ATG7: variants seen among roughly 807,000 people sequenced by gnomAD.
ATG7 encodes the protein ubiquitin-like modifier-activating enzyme ATG7.
In ATG7, 70 loss-of-function variants were observed where a neutral mutation model predicts 82.4. The ratio of observed to expected loss-of-function variants is 0.85; its 90% CI spans 0.70 to 1.04. The LOEUF is 1.04. ATG7 is among the 50% of genes least tolerant of loss of function. ATG7 has a pLI of 0.00. For missense variants in ATG7, 792 were observed against 864.3 expected, an observed-to-expected ratio of 0.92 and a Z score of 1.05; for synonymous variants, 287 against 313.0, an observed-to-expected ratio of 0.92 and a Z score of 0.88.
intron 19 of ATG7, among the ~76,000 whole-genome samples, chr3:11,406,494 G>A (rs2080353964): frequency 6.6e-6 from 1 of 152,134 alleles, no homozygotes; most frequent in South Asian, 2.1e-4. Flanking sequence ...AATTTGTAGA[G>A]ATGACATCTT....
At chr3:11,456,875 C>T (rs1289317472) in intron 20 of ATG7, among the ~76,000 whole-genome samples, 1 of 152,170 alleles carries the variant, frequency 6.6e-6, no homozygotes, top group Non-Finnish European at 1.5e-5. Flanking sequence ...GTATTGGAGG[C>T]TACTGGATGT....
intron 19 of ATG7, among the ~76,000 whole-genome samples, chr3:11,393,928 C>G (rs2079016669): frequency 6.6e-6 from 1 of 152,108 alleles, no homozygotes; most frequent in African/African-American, 2.4e-5. Flanking sequence ...CAGTCCTCCT[C>G]CCTTGGCCTC....
intron 20 of ATG7, among the ~76,000 whole-genome samples, chr3:11,522,155 C>A (rs1433541395): frequency 6.6e-6 from 1 of 152,124 alleles, no homozygotes; most frequent in African/African-American, 2.4e-5. Flanking sequence ...CCAAGCATTA[C>A]AAGGTTATTC....
rs531354436 is a variant in ATG7 at position 11,500,484 on chromosome 3, G to A, written c.2080-54327G>A. Among the ~76,000 whole-genome samples, 11 of 152,000 alleles carry A rather than the reference G, an allele frequency of 7.2e-5. 1 individual carries two copies. The East Asian group carries it at 2.1e-3, about 29-fold the overall frequency. On this transcript the variant is annotated intron_variant, in intron 20 of 20. Coordinates refer to ENST00000693202, the MANE Select transcript of ATG7 (RefSeq NM_001349232.2). ...ATACAAATTAAAAGACTAAAAACTA[G>A]AAAATAAAACTCCACCATTGGGAAA... is the stretch of plus-strand genomic sequence containing the variant.
intron 19 of ATG7, among the ~76,000 whole-genome samples, chr3:11,394,518 AGTT>A (rs1253173955): frequency 6.6e-6 from 1 of 152,192 alleles, no homozygotes; most frequent in Non-Finnish European, 1.5e-5. Flanking sequence ...AGGAAAAGGA[AGTT>A]GAGAGCGTGA....
At chr3:11,449,249 G>A (rs1031857151) in intron 20 of ATG7, among the ~76,000 whole-genome samples, 1 of 152,188 alleles carries the variant, frequency 6.6e-6, no homozygotes, top group African/African-American at 2.4e-5. Flanking sequence ...GCTCATGCCT[G>A]TAGTCCCAGC....
At chr3:11,404,125 A>ATTTTTTTTTTTTT (rs10591303) in intron 19 of ATG7, among the ~76,000 whole-genome samples, 1 of 76,938 alleles carries the variant, frequency 1.3e-5, no homozygotes, top group Non-Finnish European at 2.3e-5. Context: ...AACCAGCTCA[A>ATTTTTTTTTTTTT]TTTTTTTTTT....
At chr3:11,336,021 C>T (rs975169897) in intron 11 of ATG7, among the ~76,000 whole-genome samples, 1 of 151,172 alleles carries the variant, frequency 6.6e-6, no homozygotes, top group African/African-American at 2.4e-5. Context: ...CAGGCATGAG[C>T]CACTGTGCCC....
chr3:11,470,008 A>AAAAAAAG (rs1399975005), intron 20 of ATG7, among the ~76,000 whole-genome samples: 23 of 141,130 alleles, frequency 1.6e-4, no homozygotes, highest in African/African-American at 4.8e-4. Context: ...AAAAAAAAAA[A>AAAAAAAG]AGAGAGAGAG....
chr3:11,531,679 C>G (rs1384246020), intron 20 of ATG7, among the ~76,000 whole-genome samples: 2 of 152,192 alleles, frequency 1.3e-5, no homozygotes, highest in African/African-American at 2.4e-5. Flanking sequence ...TGAGACCAGC[C>G]TGGGCAACAT....
At chr3:11,367,728 A>G (rs375920921) in intron 18 of ATG7, among the ~76,000 whole-genome samples, 2 of 145,166 alleles carry the variant, frequency 1.4e-5, no homozygotes, top group Non-Finnish European at 3.0e-5. Flanking sequence ...ACCATAAACC[A>G]TTTCAGGTGA....
intron 19 of ATG7, among the ~76,000 whole-genome samples, chr3:11,398,084 CAAA>C (rs201772380): frequency 9.3e-6 from 1 of 107,234 alleles, no homozygotes. Flanking sequence ...ACTCTGTCTC[CAAA>C]AAAAAAAAAG....
intron 20 of ATG7, among the ~76,000 whole-genome samples, chr3:11,475,868 G>GACACACACACACACACAC (rs3219674): frequency 0.019 from 2,110 of 111,088 alleles, 30 homozygotes; most frequent in East Asian, 0.048. Flanking sequence ...CTGTCTCTGA[G>GACACACACACACACACAC]ACACACACAC....
rs2085079886 is a variant in ATG7 at position 11,451,147 on chromosome 3, G to A, written c.2079+24221G>A. The stretch of plus-strand genomic sequence containing the variant: ...CCAAAACTTTGGAATCTTTACCAAG[G>A]AGGGTATCTTTTGAAAAGGACAGGC... On this transcript the variant is annotated intron_variant, in intron 20 of 20. Transcript: ENST00000693202. 2.0e-5 allele frequency among the ~76,000 whole-genome samples: 3 copies of A among 151,638 alleles called. No homozygotes were observed. In the South Asian group the frequency reaches 6.2e-4, roughly 31 times the overall value.
chr3:11,565,234 G>A, the ATG7 span, among the ~76,000 whole-genome samples: 33 of 152,266 alleles, frequency 2.2e-4, no homozygotes, highest in Non-Finnish European at 3.5e-4. The surrounding 1 kb of genome is among the most constrained non-coding windows in gnomAD (Gnocchi z 4.1). Flanking sequence ...GGAGTCCAAA[G>A]TCAGCTCCAT....
At chr3:11,447,558 C>G (rs1016666597) in intron 20 of ATG7, among the ~76,000 whole-genome samples, 2 of 152,064 alleles carry the variant, frequency 1.3e-5, no homozygotes, top group Non-Finnish European at 2.9e-5. Flanking sequence ...CATTTAGTGT[C>G]AAGACCATCT....
chr3:11,285,194 T>A (rs1022636669), intron 3 of ATG7, among the ~76,000 whole-genome samples: 1 of 143,992 alleles, frequency 6.9e-6, no homozygotes, highest in Non-Finnish European at 1.5e-5. Flanking sequence ...TTAAATTCCT[T>A]CCTGTGACAG....
intron 13 of ATG7, among the ~76,000 whole-genome samples, chr3:11,347,540 T>C (rs943799168): frequency 1.3e-5 from 2 of 152,226 alleles, no homozygotes; most frequent in African/African-American, 4.8e-5. Flanking sequence ...TTAGGGGCTA[T>C]TGCTAATCTT....
chr3:11,530,842 G>A (rs1180281938), intron 20 of ATG7, among the ~76,000 whole-genome samples: 2 of 152,118 alleles, frequency 1.3e-5, no homozygotes, highest in Non-Finnish European at 2.9e-5. Flanking sequence ...TTAGCCAGGC[G>A]TGATGGTGCA....
Sources: allele counts gnomAD v4.1 joint callset (sites outside exome capture counted in the v4.1 genomes callset), GRCh38; gene constraint gnomAD v4.1.1; non-coding constraint Gnocchi (gnomAD v3.1); transcripts MANE v1.5; gene names NCBI Gene and HGNC (gene_info 2026-07-23, HGNC 2026-07-21).